The following QTGAL variants were observed in gnomAD, a reference collection of about 807,000 sequenced individuals.
QTGAL encodes queuosine-tRNA galactosyltransferase.
At chr17:83,046,024 A>C in the QTGAL span, among the ~76,000 whole-genome samples, 1 of 152,102 alleles carries the variant, frequency 6.6e-6, no homozygotes, top group Non-Finnish European at 1.5e-5. Context: ...GGGTTTCACC[A>C]TGTTGGGCAG....
At chr17:82,970,878 GCTGC>G in the QTGAL span, among the ~76,000 whole-genome samples, 26 of 152,370 alleles carry the variant, frequency 1.7e-4, no homozygotes, top group East Asian at 4.6e-3. Context: ...AGACCGGGCA[GCTGC>G]CTTTGCGGGG....
the QTGAL span, among the ~76,000 whole-genome samples, chr17:83,033,032 G>A: frequency 6.6e-5 from 10 of 152,342 alleles, no homozygotes; most frequent in South Asian, 4.1e-4. Flanking sequence ...GGGCCAGAGC[G>A]GCCTGGAGAC....
chr17:82,996,917 A>C, the QTGAL span, among the ~76,000 whole-genome samples: 2 of 152,242 alleles, frequency 1.3e-5, no homozygotes, highest in African/African-American at 2.4e-5. Flanking sequence ...AAAGACTTAC[A>C]TTTAAGACTT....
At chr17:82,974,058 G>A in the QTGAL span, among the ~76,000 whole-genome samples, 3 of 152,226 alleles carry the variant, frequency 2.0e-5, no homozygotes, top group South Asian at 2.1e-4. Context: ...CTCCATGGGC[G>A]ACTGCCACTG....
chr17:83,021,594 T>G, the QTGAL span, among the ~76,000 whole-genome samples: 1 of 152,344 alleles, frequency 6.6e-6, no homozygotes, highest in Admixed American at 6.5e-5. Flanking sequence ...TCAAGTGGAT[T>G]TATAGATTCA....
At chr17:82,951,929 G>A in the QTGAL span, among the ~76,000 whole-genome samples, 1 of 151,990 alleles carries the variant, frequency 6.6e-6, no homozygotes, top group Non-Finnish European at 1.5e-5. Flanking sequence ...AACACATACA[G>A]TAACAGTTTG....
At chr17:83,034,082 A>T in the QTGAL span, among the ~76,000 whole-genome samples, 1 of 152,124 alleles carries the variant, frequency 6.6e-6, no homozygotes, top group Non-Finnish European at 1.5e-5. Context: ...CTGGGATTAC[A>T]GGCGCACACC....
the QTGAL span, chr17:82,965,852 G>A: frequency 1.4e-5 from 16 of 1,182,928 alleles, no homozygotes; most frequent in African/African-American, 3.0e-5. Context: ...AGATGAATCC[G>A]TGTCCCTTCT....
chr17:82,985,852 T>C, the QTGAL span, among the ~76,000 whole-genome samples: 1 of 94,812 alleles, frequency 1.1e-5, no homozygotes, highest in African/African-American at 5.1e-5. Context: ...CTGGCATTCT[T>C]TAAGAAAAGC....
At chr17:82,966,521 CG>C in the QTGAL span, among the ~76,000 whole-genome samples, 1 of 152,160 alleles carries the variant, frequency 6.6e-6, no homozygotes, top group African/African-American at 2.4e-5. Context: ...GACAGACAAA[CG>C]GAACAGAACA....
At chr17:82,969,718 T>C in the QTGAL span, among the ~76,000 whole-genome samples, 1 of 151,866 alleles carries the variant, frequency 6.6e-6, no homozygotes, top group South Asian at 2.1e-4. Flanking sequence ...GTCTTGCTGT[T>C]ACCCAGGCTG....
the QTGAL span, among the ~76,000 whole-genome samples, chr17:83,043,582 A>C: frequency 6.6e-6 from 1 of 152,208 alleles, no homozygotes; most frequent in Non-Finnish European, 1.5e-5. Context: ...TAAAATCAAG[A>C]ACCTAAAAGT....
At chr17:83,037,754 G>A in the QTGAL span, among the ~76,000 whole-genome samples, 1 of 152,240 alleles carries the variant, frequency 6.6e-6, no homozygotes, top group Non-Finnish European at 1.5e-5. The surrounding 1 kb of genome is among the most constrained non-coding windows in gnomAD (Gnocchi z 5.2). Flanking sequence ...CAGGAGAGAA[G>A]GGTATCCGTG....
At chr17:83,031,851 AGT>A in the QTGAL span, among the ~76,000 whole-genome samples, 1 of 152,256 alleles carries the variant, frequency 6.6e-6, no homozygotes, top group South Asian at 2.1e-4. Context: ...CTGGATCCAG[AGT>A]GAGTTTCAGG....
At chr17:83,040,255 C>T in the QTGAL span, among the ~76,000 whole-genome samples, 9 of 152,194 alleles carry the variant, frequency 5.9e-5, no homozygotes, top group Non-Finnish European at 8.8e-5. Context: ...ACAAAGTTGA[C>T]GACCATTATC....
chr17:83,021,469 G>C, the QTGAL span, among the ~76,000 whole-genome samples: 1 of 152,228 alleles, frequency 6.6e-6, no homozygotes, highest in South Asian at 2.1e-4. Flanking sequence ...TTTATTAAAT[G>C]TTGAAGACCC....
At chr17:82,992,234 A>C in the QTGAL span, among the ~76,000 whole-genome samples, 1 of 152,194 alleles carries the variant, frequency 6.6e-6, no homozygotes, top group Non-Finnish European at 1.5e-5. Context: ...AACCCAAAGA[A>C]GACTACCTCA....
the QTGAL span, among the ~76,000 whole-genome samples, chr17:82,999,925 CTG>C: frequency 6.6e-6 from 1 of 151,900 alleles, no homozygotes; most frequent in Non-Finnish European, 1.5e-5. Flanking sequence ...TGTGTGAAAA[CTG>C]TGAGAGGTCA....
the QTGAL span, among the ~76,000 whole-genome samples, chr17:83,021,090 C>T: frequency 0.093 from 14,147 of 152,268 alleles, 838 homozygotes; most frequent in South Asian, 0.19. Context: ...TTATGGACAT[C>T]TGTGTTTTGT....
Sources: gnomAD v4.1 joint callset for allele counts (sites outside exome capture counted in the v4.1 genomes callset) on GRCh38, gnomAD v4.1.1 for gene constraint, Gnocchi (gnomAD v3.1) non-coding constraint, MANE v1.5 for transcripts, NCBI Gene and HGNC (gene_info 2026-07-23, HGNC 2026-07-21) for gene names.